The following GLYATL2 variants were observed in gnomAD, a reference collection of about 807,000 sequenced individuals.
GLYATL2 encodes glycine N-acyltransferase-like protein 2.
GLYATL2 carries 25 observed loss-of-function variants against 21.4 expected under a neutral mutation model. That is an observed-to-expected ratio of 1.17 (90% CI 0.85 to 1.63). The LOEUF (loss-of-function observed/expected upper bound fraction) is 1.63. Ranked by LOEUF, GLYATL2 falls within the 40% of genes most tolerant of loss-of-function variation. GLYATL2 has a pLI of 0.00. For missense variants in GLYATL2, 361 were observed against 343.3 expected (o/e 1.05, Z -0.41); for synonymous variants, 114 against 118.2 (o/e 0.96, Z 0.23).
At position 58,864,859 on chromosome 11, in the gene GLYATL2, A is replaced by G. The variant is rs1320513242; in HGVS notation, n.61-26491T>C. On this transcript the variant is annotated intron_variant and non_coding_transcript_variant, in intron 1 of 4. Coordinates refer to the GLYATL2 transcript ENST00000533636. ...TGCACAGCATCCAGTCAGATTTCTA[A>G]ATAATGATTTTCAAAGTGCCTCAGC... Among the ~76,000 whole-genome samples, 2 of 149,018 alleles carry G rather than the reference A, an allele frequency of 1.3e-5. 1 individual carries two copies. The highest frequency in any genetic ancestry group is 3.0e-5 in the Non-Finnish European group (2 of 67,218).
chr11:58,850,512 T>A (rs1853721035), intron 1 of GLYATL2, among the ~76,000 whole-genome samples: 1 of 152,072 alleles, frequency 6.6e-6, no homozygotes, highest in African/African-American at 2.4e-5. Flanking sequence ...TCTACAATCA[T>A]AACCCAGGAA....
chr11:58,896,844 T>C (rs1165680170), intron 1 of GLYATL2, among the ~76,000 whole-genome samples: 11 of 152,216 alleles, frequency 7.2e-5, no homozygotes, highest in African/African-American at 2.4e-4. Context: ...ACGTTTCATA[T>C]AGGAATTAAG....
At chr11:58,854,912 T>C (rs1404852644) in intron 1 of GLYATL2, among the ~76,000 whole-genome samples, 1 of 152,228 alleles carries the variant, frequency 6.6e-6, no homozygotes, top group East Asian at 1.9e-4. Flanking sequence ...TTCTTATCCA[T>C]TCAGGTTTTA....
chr11:58,889,003 T>C (rs993920564), intron 1 of GLYATL2, among the ~76,000 whole-genome samples: 3 of 144,068 alleles, frequency 2.1e-5, no homozygotes, highest in African/African-American at 7.4e-5. Context: ...ACTAAATCTT[T>C]TCATCTACAA....
At chr11:58,905,784 C>G, upstream of GLYATL2, 3 of 387,010 alleles carry the variant, frequency 7.8e-6, no homozygotes, top group Non-Finnish European at 1.6e-5. Context: ...GCCTGGCCGT[C>G]TGACCCGCCC....
chr11:58,875,212 C>T (rs967110972), intron 1 of GLYATL2, among the ~76,000 whole-genome samples: 1 of 152,082 alleles, frequency 6.6e-6, no homozygotes, highest in Non-Finnish European at 1.5e-5. Flanking sequence ...TTCCTGAATA[C>T]AGCACACTGA....
intron 1 of GLYATL2, chr11:58,878,428 G>A: frequency 2.3e-6 from 1 of 443,918 alleles, no homozygotes; most frequent in East Asian, 7.4e-5. Flanking sequence ...TGTGTTTTGA[G>A]CTCTCTGAAT....
At chr11:58,879,951 C>T (rs181529735) in intron 1 of GLYATL2, among the ~76,000 whole-genome samples, 23 of 151,468 alleles carry the variant, frequency 1.5e-4, no homozygotes, top group Admixed American at 1.1e-3. Context: ...CTCCGCCTCC[C>T]GGGCTCATGC....
chr11:58,875,722 A>G (rs1484590531), intron 1 of GLYATL2, among the ~76,000 whole-genome samples: 1 of 151,842 alleles, frequency 6.6e-6, no homozygotes, highest in African/African-American at 2.4e-5. Flanking sequence ...TGCCCTCAAC[A>G]TTTTTTCCTT....
chr11:58,861,361 T>C (rs1426292294), intron 1 of GLYATL2, among the ~76,000 whole-genome samples: 1 of 152,072 alleles, frequency 6.6e-6, no homozygotes, highest in East Asian at 1.9e-4. Context: ...TTATTCCAAT[T>C]TGTTGGCATA....
At chr11:58,843,722 G>GA (rs2134579641) in intron 1 of GLYATL2, among the ~76,000 whole-genome samples, 1 of 139,196 alleles carries the variant, frequency 7.2e-6, no homozygotes, top group East Asian at 2.7e-4. Flanking sequence ...TTAATAGACA[G>GA]GGAAAAATGT....
rs146831694 is a variant in GLYATL2 at position 58,895,859 on chromosome 11, C to CT, written n.60+8296dup. On this transcript the variant is annotated intron_variant and non_coding_transcript_variant, in intron 1 of 4. Coordinates refer to the GLYATL2 transcript ENST00000533636. ...GGCATATTCAACATGGAGGTTTCCT[C>CT]TTTTTTTTTTTTTTGAAGGAGTCTG... Among the ~76,000 whole-genome samples, 538 of 143,492 alleles carry CT rather than the reference C, an allele frequency of 3.7e-3. 1 individual carries two copies. The highest frequency in any genetic ancestry group is 0.01 in the South Asian group (45 of 4,484). The allele number at this position is 143,492 out of a possible 152,430, so 94.1% of individuals were successfully genotyped here.
At chr11:58,900,069 A>T (rs1324107595) in intron 1 of GLYATL2, among the ~76,000 whole-genome samples, 12 of 152,114 alleles carry the variant, frequency 7.9e-5, no homozygotes, top group Non-Finnish European at 1.5e-4. Flanking sequence ...TAAATCATTT[A>T]AAAAAACCTC....
At chr11:58,905,745 G>GGC, upstream of GLYATL2, 1 of 358,120 alleles carries the variant, frequency 2.8e-6, no homozygotes, top group South Asian at 2.1e-5. Context: ...AAATAGGGAG[G>GGC]GTGGGCGGGT....
intron 1 of GLYATL2, among the ~76,000 whole-genome samples, chr11:58,893,929 T>G (rs1452539376): frequency 6.6e-6 from 1 of 152,182 alleles, no homozygotes; most frequent in Non-Finnish European, 1.5e-5. Context: ...AATCAGCCTC[T>G]TATTTTAGTG....
At chr11:58,860,992 G>A (rs866041876) in intron 1 of GLYATL2, among the ~76,000 whole-genome samples, 1 of 151,986 alleles carries the variant, frequency 6.6e-6, no homozygotes, top group South Asian at 2.1e-4. Context: ...GTTGAGATTA[G>A]TTTGCTAGTA....
intron 1 of GLYATL2, chr11:58,892,788 G>C: frequency 3.0e-6 from 1 of 331,516 alleles, no homozygotes; most frequent in Non-Finnish European, 6.1e-6. Context: ...TGCAATAAAA[G>C]CAAGCTTGGA....
chr11:58,841,016 ACTTT>A (rs1301008117), intron 1 of GLYATL2, among the ~76,000 whole-genome samples: 1 of 152,014 alleles, frequency 6.6e-6, no homozygotes, highest in Non-Finnish European at 1.5e-5. Context: ...GAACTTTTGA[ACTTT>A]CTTCCAGCCA....
upstream of GLYATL2, among the ~76,000 whole-genome samples, chr11:58,905,117 C>G (rs1854831419): frequency 6.6e-6 from 1 of 152,228 alleles, no homozygotes; most frequent in East Asian, 1.9e-4. Flanking sequence ...GGAAACAGGC[C>G]TAAATACTCT....
Sources: gnomAD v4.1 joint callset for allele counts (sites outside exome capture counted in the v4.1 genomes callset) on GRCh38, gnomAD v4.1.1 for gene constraint, MANE v1.5 for transcripts, NCBI Gene and HGNC (gene_info 2026-07-23, HGNC 2026-07-21) for gene names.